Variants in ALCAM observed in about 807,000 individuals in gnomAD.
The protein encoded by ALCAM is activated leukocyte cell adhesion molecule, also known as CD166 antigen.
Under a neutral mutation model 70.9 loss-of-function variants are expected in ALCAM, and 30 were observed. That is an observed-to-expected ratio of 0.42 (90% confidence interval 0.32 to 0.57). The LOEUF (loss-of-function observed/expected upper bound fraction) is 0.57. Ranked by LOEUF, ALCAM falls within the 20% of genes least tolerant of loss-of-function variation. ALCAM has a pLI of 0.11. For synonymous variants in ALCAM, 249 were observed against 242.5 expected, an observed-to-expected ratio of 1.03 and a Z score of -0.25; for missense variants, 591 against 695.1, an observed-to-expected ratio of 0.85 and a Z score of 1.68.
At chr3:105,543,871 T>C (rs991500682) in intron 8 of ALCAM, among the ~76,000 whole-genome samples, 81 of 151,708 alleles carry the variant, frequency 5.3e-4, no homozygotes, top group Admixed American at 5.3e-3. Flanking sequence ...TGGTTTCATA[T>C]TAATGAGAAA....
At chr3:105,480,502 A>G (rs1011282381) in intron 1 of ALCAM, among the ~76,000 whole-genome samples, 1 of 152,104 alleles carries the variant, frequency 6.6e-6, no homozygotes, top group African/African-American at 2.4e-5. Context: ...AATATTTTCT[A>G]AGAGGTGGTT....
At chr3:105,534,578 C>T (rs934687025) in intron 5 of ALCAM, 85 bp from the exon 6 acceptor site, 2 of 1,335,284 alleles carry the variant, frequency 1.5e-6, no homozygotes, top group East Asian at 2.3e-5. Flanking sequence ...AAAAAAAACA[C>T]TTCTCAAAGG....
intron 1 of ALCAM, among the ~76,000 whole-genome samples, chr3:105,501,285 T>C (rs912386809): frequency 5.3e-5 from 8 of 152,226 alleles, no homozygotes; most frequent in Admixed American, 1.3e-4. Context: ...CTGTTTAGTA[T>C]ATTGGCAAGT....
chr3:105,454,782 C>T (rs1425274544), intron 1 of ALCAM, among the ~76,000 whole-genome samples: 1 of 147,774 alleles, frequency 6.8e-6, no homozygotes, highest in Non-Finnish European at 1.5e-5. Flanking sequence ...GATTGTCGTG[C>T]CTCAGCCTCC....
rs377050023 is a variant in ALCAM, at chr3:105,524,475, G to A, written c.361G>A (p.Val121Met). ...FVCMLVTEDN[V>M]FEAPTIVKVF... is the part of the protein sequence containing the mutation. ...GTGCATGCTAGTAACTGAGGACAAC[G>A]TGTTTGAGGCACCTACAATAGTCAA... The change falls in exon 3 of 16, where the codon GTG becomes ATG. Residue 121 changes from valine to methionine, a missense_variant. Around this residue, in one of 2 missense-constraint regions of ALCAM, gnomAD observed 427 missense variants for 450.4 expected, o/e 0.95. Transcript: ENST00000306107. The A allele has an allele frequency of 3.7e-6, 6 of 1,614,128 alleles. No homozygotes were observed. Among genetic ancestry groups the A allele is most frequent in the East Asian group, 2.2e-5 (1 of 44,868 alleles).
intron 1 of ALCAM, among the ~76,000 whole-genome samples, chr3:105,495,829 G>A (rs1477066442): frequency 6.6e-6 from 1 of 152,188 alleles, no homozygotes; most frequent in Non-Finnish European, 1.5e-5. Context: ...CAGTATTGTA[G>A]AATAGGTCTC....
intron 1 of ALCAM, among the ~76,000 whole-genome samples, chr3:105,500,710 A>G (rs958778028): frequency 3.3e-5 from 5 of 152,224 alleles, no homozygotes; most frequent in Admixed American, 3.3e-4. Context: ...TCTATCTTCA[A>G]CACTTTAAAT....
At chr3:105,381,520 T>A (rs1935520538) in intron 1 of ALCAM, among the ~76,000 whole-genome samples, 2 of 151,998 alleles carry the variant, frequency 1.3e-5, no homozygotes, top group South Asian at 2.1e-4. Flanking sequence ...ATGTCATAGT[T>A]CCCATCTGTT....
At chr3:105,462,573 T>C (rs1937619481) in intron 1 of ALCAM, among the ~76,000 whole-genome samples, 2 of 151,544 alleles carry the variant, frequency 1.3e-5, no homozygotes, top group African/African-American at 4.8e-5. Context: ...TACAAAGTTA[T>C]GCGTTTAAAA....
intron 14 of ALCAM, among the ~76,000 whole-genome samples, chr3:105,569,314 AAG>A (rs895136719): frequency 6.6e-6 from 1 of 152,128 alleles, no homozygotes; most frequent in Non-Finnish European, 1.5e-5. Context: ...GGGAAGAAAA[AAG>A]AGAGGAGAGA....
intron 1 of ALCAM, among the ~76,000 whole-genome samples, chr3:105,470,226 G>A (rs1044967210): frequency 6.7e-6 from 1 of 150,038 alleles, no homozygotes; most frequent in Non-Finnish European, 1.5e-5. Context: ...TGGGTTTAAC[G>A]TCTGTCTACA....
In ALCAM at chr3:105,410,658, C is replaced by T. The variant is rs981007490; in HGVS notation, c.73+43177C>T. ...AACTCATTTATTCTGTTTACCTTTC[C>T]GAGGCAGGCAGGTTCAATTGACTTA... is the stretch of plus-strand genomic sequence containing the variant. On this transcript the variant is annotated intron_variant, in intron 1 of 15. Coordinates refer to ENST00000306107, the MANE Select transcript of ALCAM (RefSeq NM_001627.4). Among the ~76,000 whole-genome samples, 6 of 151,872 alleles carry T rather than the reference C, an allele frequency of 4.0e-5. No homozygotes were observed. The South Asian group carries it at 8.3e-4, about 21-fold the overall frequency.
chr3:105,560,562 C>T (rs1940610256), intron 14 of ALCAM, among the ~76,000 whole-genome samples: 1 of 152,058 alleles, frequency 6.6e-6, no homozygotes, highest in Non-Finnish European at 1.5e-5. Flanking sequence ...ATCAATTTTT[C>T]CTATTATGTT....
chr3:105,389,528 A>T (rs766745995), intron 1 of ALCAM, among the ~76,000 whole-genome samples: 55 of 151,248 alleles, frequency 3.6e-4, no homozygotes, highest in Non-Finnish European at 6.9e-4. Context: ...TAATGTGTAC[A>T]TTATTTTAAA....
At chr3:105,513,031 A>G (rs1427595034) in intron 1 of ALCAM, among the ~76,000 whole-genome samples, 1 of 151,894 alleles carries the variant, frequency 6.6e-6, no homozygotes, top group Non-Finnish European at 1.5e-5. Flanking sequence ...TGTTCTTTTT[A>G]CACACAAAAT....
At chr3:105,457,242 G>T (rs1708437097) in intron 1 of ALCAM, among the ~76,000 whole-genome samples, 1 of 152,036 alleles carries the variant, frequency 6.6e-6, no homozygotes, top group African/African-American at 2.4e-5. Flanking sequence ...GTTCTTTTCT[G>T]TGGCTGCATG....
At chr3:105,432,129 T>C (rs754300811) in intron 1 of ALCAM, among the ~76,000 whole-genome samples, 33 of 152,164 alleles carry the variant, frequency 2.2e-4, no homozygotes, top group Non-Finnish European at 4.4e-4. Flanking sequence ...AAACTCTTAC[T>C]TATAATGAGG....
intron 3 of ALCAM, chr3:105,525,341 T>A (rs1939672042): frequency 1.0e-6 from 1 of 981,964 alleles, no homozygotes; most frequent in South Asian, 4.7e-5. Flanking sequence ...TGCAAATGAA[T>A]GACTTGAGAA....
intron 1 of ALCAM, among the ~76,000 whole-genome samples, chr3:105,519,450 T>C (rs1316348420): frequency 6.6e-6 from 1 of 152,088 alleles, no homozygotes. Context: ...GTTCATACTA[T>C]AAATTCTTAC....
Sources: allele counts gnomAD v4.1 joint callset (sites outside exome capture counted in the v4.1 genomes callset), GRCh38; gene constraint gnomAD v4.1.1; regional missense constraint gnomAD v4.1.1; transcripts MANE v1.5; gene names NCBI Gene and HGNC (gene_info 2026-07-23, HGNC 2026-07-21).